AP1B1: variants seen among roughly 807,000 people sequenced by gnomAD.
AP1B1 encodes the protein adaptor related protein complex 1 subunit beta 1.
AP1B1 carries 36 observed loss-of-function variants against 104.3 expected under a neutral mutation model. That is an observed-to-expected ratio of 0.35 (90% CI 0.26 to 0.46). The LOEUF is 0.46. Ranked by LOEUF, AP1B1 falls within the 20% of genes least tolerant of loss-of-function variation. AP1B1 has a pLI of 1.00. For synonymous variants in AP1B1, 504 were observed against 517.5 expected (o/e 0.97, Z 0.35); for missense variants, 901 against 1,247.9 (o/e 0.72, Z 4.19).
rs6006098 is a variant in AP1B1 at position 29,338,808 on chromosome 22, G to A, written c.2163+182C>T. 0.6 allele frequency among the ~76,000 whole-genome samples: 91,310 copies of A among 151,928 alleles called. 27,691 individuals are homozygous for A. The highest frequency in any genetic ancestry group is 0.69 in the East Asian group (3,576 of 5,154). The stretch of plus-strand genomic sequence containing the variant: ...TGAGGTCCTGCGACTCCTCTGGAAA[G>A]CCTTCCTAGGTACCCACCAAGCTTG... On this transcript the variant is annotated intron_variant, in intron 16 of 22. Transcript: ENST00000357586.
intron 8 of AP1B1, 44 bp from the exon 9 acceptor site, chr22:29,351,310 G>A (rs1379231862): frequency 6.3e-7 from 1 of 1,588,018 alleles, no homozygotes; most frequent in Non-Finnish European, 8.6e-7. Context: ...ACCTGATGGG[G>A]CAATCTGCTG....
At chr22:29,375,072 C>T (rs972351583) in intron 1 of AP1B1, among the ~76,000 whole-genome samples, 4 of 152,162 alleles carry the variant, frequency 2.6e-5, no homozygotes, top group Non-Finnish European at 5.9e-5. Context: ...CAGTTCTGGC[C>T]GGGCGCGGTG....
intron 22 of AP1B1, chr22:29,329,153 G>A (rs1327851923): frequency 1.5e-6 from 2 of 1,309,144 alleles, no homozygotes; most frequent in Non-Finnish European, 2.0e-6. Flanking sequence ...CGAGCAGTGT[G>A]AGTCACGAGC....
intron 1 of AP1B1, chr22:29,370,540 G>A (rs948039487): frequency 6.6e-6 from 1 of 151,960 alleles, no homozygotes; most frequent in African/African-American, 2.4e-5. Flanking sequence ...AGAGCTGCTC[G>A]GAATTTCTTG....
At position 29,330,484 on chromosome 22, in the gene AP1B1, T is replaced by C. The variant is rs1003185341; in HGVS notation, c.2660A>G (p.Lys887Arg). Residue 887 changes from lysine to arginine, a missense_variant, in exon 21 of 23, where the codon AAG becomes AGG. Physicochemically the swap from Lys to Arg is conservative, Grantham distance 26 (BLOSUM62 2). Coordinates refer to ENST00000357586, the MANE Select transcript of AP1B1 (RefSeq NM_001127.4). ...CATGTCCTGGCCCTCCACGTTCCTC[T>C]TGGCGACAGTGAAGATGTTGCTGCT... The part of the protein sequence containing the change: ...LQSSNIFTVA[K>R]RNVEGQDMLY... 34 of 1,613,244 alleles carry C rather than the reference T, an allele frequency of 2.1e-5. No individual in the cohort carries two copies. Among genetic ancestry groups the C allele is most frequent in the Non-Finnish European group, 2.8e-5 (33 of 1,179,446 alleles).
chr22:29,355,721 A>G (rs1187889811), intron 6 of AP1B1, among the ~76,000 whole-genome samples: 1 of 151,744 alleles, frequency 6.6e-6, no homozygotes, highest in Non-Finnish European at 1.5e-5. Context: ...CATGGAGAAA[A>G]CCTGTCTCTA....
At position 29,350,525 on chromosome 22, in the gene AP1B1, T is replaced by A. The variant is rs73884717; in HGVS notation, c.1156-375A>T. Among the ~76,000 whole-genome samples the A allele has an allele frequency of 9.8e-3, 1,487 of 152,312 alleles. 24 individuals are homozygous for A. The highest frequency in any genetic ancestry group is 0.034 in the African/African-American group (1,427 of 41,560). On this transcript the variant is annotated intron_variant, in intron 9 of 22. Coordinates refer to ENST00000357586, the MANE Select transcript of AP1B1 (RefSeq NM_001127.4). ...TGTCCAAAAACACTCACAGAACCTC[T>A]GACTGCTTCTGCCTTTACTTCCACA...
chr22:29,339,175 C>G lies in AP1B1; in HGVS notation c.2020-42G>C, dbSNP rs1341588384. 3 of 1,612,406 alleles carry G rather than the reference C, an allele frequency of 1.9e-6. No homozygotes were observed. The African/African-American group carries it at 4.0e-5, about 22-fold the overall frequency. ...AGAGTCAGAGGTGGGCGTCAAGAGG[C>G]AAAGACATCAGGGTCTGGGAATGAG... On this transcript the variant is annotated intron_variant, in intron 15 of 22. Coordinates refer to ENST00000357586, the MANE Select transcript of AP1B1 (RefSeq NM_001127.4).
At chr22:29,356,198 A>AAGGCC (rs2061955018) in intron 6 of AP1B1, among the ~76,000 whole-genome samples, 2 of 152,214 alleles carry the variant, frequency 1.3e-5, no homozygotes, top group Non-Finnish European at 2.9e-5. Flanking sequence ...TGCCAGCTCC[A>AAGGCC]AGGCCAGGCC....
intron 17 of AP1B1, chr22:29,333,132 G>A (rs2061586959): frequency 6.5e-6 from 1 of 154,660 alleles, no homozygotes; most frequent in African/African-American, 2.4e-5. Context: ...TCTGCCCAAG[G>A]GTCAGGACCT....
intron 1 of AP1B1, among the ~76,000 whole-genome samples, chr22:29,369,309 G>A (rs1269700306): frequency 2.0e-5 from 3 of 152,134 alleles, no homozygotes; most frequent in South Asian, 2.1e-4. Flanking sequence ...CCAACCGAGA[G>A]ACACCCATAG....
chr22:29,353,348 A>G (rs1322115417), intron 7 of AP1B1, among the ~76,000 whole-genome samples: 1 of 152,088 alleles, frequency 6.6e-6, no homozygotes, highest in Non-Finnish European at 1.5e-5. Flanking sequence ...GCAGGAAGAT[A>G]TTTCTGCGAT....
chr22:29,340,382 AG>A (rs2061696179), intron 14 of AP1B1, among the ~76,000 whole-genome samples: 1 of 152,184 alleles, frequency 6.6e-6, no homozygotes, highest in African/African-American at 2.4e-5. Flanking sequence ...CTCCCTGCCC[AG>A]GGTCTCCTGG....
chr22:29,356,670 G>C, intron 5 of AP1B1, 54 bp from the exon 6 acceptor site: 3 of 1,533,234 alleles, frequency 2.0e-6, no homozygotes, highest in Non-Finnish European at 2.7e-6. Flanking sequence ...ACAGGCCAGG[G>C]GGCAGTGCAT....
At chr22:29,375,761 G>T (rs1462599086) in intron 1 of AP1B1, among the ~76,000 whole-genome samples, 2 of 152,164 alleles carry the variant, frequency 1.3e-5, no homozygotes. Flanking sequence ...TCAAACAAAA[G>T]AATATGATTA....
intron 1 of AP1B1, among the ~76,000 whole-genome samples, chr22:29,374,574 T>A (rs2062302756): frequency 6.6e-6 from 1 of 152,164 alleles, no homozygotes; most frequent in Non-Finnish European, 1.5e-5. Context: ...TACGGTGAAA[T>A]ATAACCTGTC....
In AP1B1 at chr22:29,331,512, C is replaced by T. The variant is rs763283898; in HGVS notation, c.2461G>A (p.Asp821Asn). Residue 821 changes from aspartate to asparagine, a missense_variant, in exon 19 of 23, where the codon GAT becomes AAT. By Grantham distance (23) the Asp-to-Asn change is conservative. Around this residue, in one of 3 missense-constraint regions of AP1B1, gnomAD observed 424 missense variants for 494.0 expected, o/e 0.86. Transcript: ENST00000357586. ...TACAAGGTGCTGAAGTAGAAGACAT[C>T]GATGTTGTTCTTCACGGCCACCTAG... ...NLQVAVKNNI[D>N]VFYFSTLYPL... The T allele has an allele frequency of 2.1e-5, 34 of 1,614,058 alleles. No homozygotes were observed. Among genetic ancestry groups the T allele is most frequent in the Middle Eastern group, 1.6e-4 (1 of 6,082 alleles).
intron 7 of AP1B1, among the ~76,000 whole-genome samples, chr22:29,352,514 GAGGAGGTAC>G (rs2061892545): frequency 6.6e-6 from 1 of 152,204 alleles, no homozygotes; most frequent in Admixed American, 6.5e-5. Flanking sequence ...CCATGGGAAG[GAGGAGGTAC>G]AAGGAAGCCT....
intron 7 of AP1B1, among the ~76,000 whole-genome samples, chr22:29,352,698 G>A (rs2061895338): frequency 6.6e-6 from 1 of 152,206 alleles, no homozygotes; most frequent in Non-Finnish European, 1.5e-5. Context: ...GGAGGCTGGG[G>A]CAGGAGGATT....
Sources: gnomAD v4.1 joint callset for allele counts (sites outside exome capture counted in the v4.1 genomes callset) on GRCh38, gnomAD v4.1.1 for gene constraint, gnomAD v4.1.1 regional missense constraint, MANE v1.5 for transcripts, NCBI Gene and HGNC (gene_info 2026-07-23, HGNC 2026-07-21) for gene names.